Variants in LRRC4C observed in about 807,000 individuals in gnomAD.
LRRC4C encodes leucine rich repeat containing 4C.
In LRRC4C, 5 loss-of-function variants were observed where a neutral mutation model predicts 33.6. The observed-to-expected ratio is 0.15, with a 90% CI of 0.08 to 0.31. LRRC4C has a LOEUF of 0.31. Among genes scored for constraint, LRRC4C ranks in the 10% least tolerant of loss-of-function variants. The pLI, the probability that LRRC4C is intolerant of heterozygous loss-of-function variation, is 1.00. For missense variants in LRRC4C, 560 were observed against 796.7 expected, an observed-to-expected ratio of 0.70 and a Z score of 3.58; for synonymous variants, 329 against 302.0, an observed-to-expected ratio of 1.09 and a Z score of -0.93.
chr11:41,081,839 T>A (rs759357220), intron 1 of LRRC4C, among the ~76,000 whole-genome samples: 6 of 152,198 alleles, frequency 3.9e-5, no homozygotes, highest in Non-Finnish European at 8.8e-5. Context: ...TGTGTCATTA[T>A]AATTCAGCCA....
chr11:41,088,992 C>G (rs1333698034), intron 1 of LRRC4C, among the ~76,000 whole-genome samples: 1 of 152,062 alleles, frequency 6.6e-6, no homozygotes, highest in Admixed American at 6.6e-5. Flanking sequence ...CTTACCAAAA[C>G]AGTCTAACCC....
At chr11:40,161,147 C>T (rs1017065342) in intron 5 of LRRC4C, among the ~76,000 whole-genome samples, 17 of 152,282 alleles carry the variant, frequency 1.1e-4, no homozygotes, top group African/African-American at 3.6e-4. Context: ...AATGAAATCT[C>T]TTTACAATTA....
chr11:40,358,638 T>A (rs1361227466), intron 3 of LRRC4C, among the ~76,000 whole-genome samples: 1 of 152,130 alleles, frequency 6.6e-6, no homozygotes, highest in Non-Finnish European at 1.5e-5. Flanking sequence ...GTATTACTGA[T>A]CACTGCCATG....
chr11:40,297,874 C>G (rs142990594), intron 4 of LRRC4C, among the ~76,000 whole-genome samples: 252 of 152,234 alleles, frequency 1.7e-3, no homozygotes, highest in African/African-American at 5.8e-3. Flanking sequence ...GATTGTAACT[C>G]AGGTTATTTC....
At chr11:41,251,628 T>C (rs1251835061) in intron 1 of LRRC4C, among the ~76,000 whole-genome samples, 1 of 152,190 alleles carries the variant, frequency 6.6e-6, no homozygotes, top group Non-Finnish European at 1.5e-5. Flanking sequence ...CAATTAAGAA[T>C]TGTGAAACAG....
chr11:40,355,958 A>G (rs1486628090), intron 3 of LRRC4C, among the ~76,000 whole-genome samples: 7 of 102,584 alleles, frequency 6.8e-5, no homozygotes, highest in African/African-American at 2.2e-4. Flanking sequence ...AGTATTGTAT[A>G]GTATAGTATA....
chr11:41,104,866 C>T (rs1450292828), intron 1 of LRRC4C, among the ~76,000 whole-genome samples: 1 of 151,724 alleles, frequency 6.6e-6, no homozygotes, highest in African/African-American at 2.4e-5. Flanking sequence ...ATTTCATTTA[C>T]ACAAAATGTC....
In LRRC4C at chr11:40,114,870, T is replaced by G; in HGVS notation, c.1423A>C (p.Asn475His). The part of the protein sequence containing the change: ...SQDEARTTDN[N>H]VGPTPVVDWE... ...TCGACCACTGGAGTGGGACCCACAT[T>G]GTTATCTGTGGTCCGTGCCTCATCC... The change falls in exon 7 of 7, where the codon AAT becomes CAT. Residue 475 changes from asparagine to histidine, a missense_variant. Physicochemically the swap from Asn to His is moderately conservative, Grantham distance 68. Around this residue, in one of 3 missense-constraint regions of LRRC4C, gnomAD observed 455 missense variants for 643.8 expected, o/e 0.71. Coordinates refer to ENST00000528697, the MANE Select transcript of LRRC4C (RefSeq NM_001258419.2). 6.2e-7 allele frequency: 1 copy of G among 1,614,170 alleles called. No individual in the cohort carries two copies.
intron 2 of LRRC4C, among the ~76,000 whole-genome samples, chr11:40,883,214 G>T (rs995318695): frequency 3.3e-5 from 5 of 151,872 alleles, no homozygotes; most frequent in African/African-American, 1.2e-4. Flanking sequence ...CTTAAAAGAG[G>T]TTAACAAGAG....
At chr11:40,732,221 G>A (rs1947623244) in intron 2 of LRRC4C, among the ~76,000 whole-genome samples, 1 of 152,016 alleles carries the variant, frequency 6.6e-6, no homozygotes, top group Admixed American at 6.6e-5. Context: ...AAAAAAGTAT[G>A]GCCCTCACAT....
chr11:40,622,278 G>C (rs937587680), intron 3 of LRRC4C, among the ~76,000 whole-genome samples: 2 of 151,744 alleles, frequency 1.3e-5, no homozygotes, highest in Non-Finnish European at 2.9e-5. Flanking sequence ...CCTGACAATG[G>C]CTATATGTAA....
intron 1 of LRRC4C, among the ~76,000 whole-genome samples, chr11:41,090,210 GA>G (rs531948562): frequency 4.7e-4 from 72 of 152,186 alleles, no homozygotes; most frequent in Non-Finnish European, 6.5e-4. Flanking sequence ...TATATAGGGA[GA>G]GATATAAAGA....
At chr11:40,426,232 C>T (rs565590000) in intron 3 of LRRC4C, among the ~76,000 whole-genome samples, 9 of 152,138 alleles carry the variant, frequency 5.9e-5, no homozygotes, top group African/African-American at 2.2e-4. Flanking sequence ...CCAGGATTGT[C>T]TCGATCTCCT....
chr11:40,588,464 G>T (rs1475650385), intron 3 of LRRC4C, among the ~76,000 whole-genome samples: 7 of 151,360 alleles, frequency 4.6e-5, no homozygotes, highest in South Asian at 2.1e-4. Flanking sequence ...GGTTTTTTGT[G>T]TCTCTATTTC....
At chr11:40,498,858 T>C (rs1954603558) in intron 3 of LRRC4C, among the ~76,000 whole-genome samples, 1 of 152,184 alleles carries the variant, frequency 6.6e-6, no homozygotes, top group African/African-American at 2.4e-5. Flanking sequence ...TGGAATTTAC[T>C]GGAAAAATAG....
intron 1 of LRRC4C, among the ~76,000 whole-genome samples, chr11:41,383,556 A>G (rs1312259840): frequency 6.6e-6 from 1 of 152,074 alleles, no homozygotes; most frequent in East Asian, 1.9e-4. Context: ...TCATCATTGA[A>G]AAACAGAGTA....
intron 1 of LRRC4C, among the ~76,000 whole-genome samples, chr11:41,345,086 G>T (rs1477181353): frequency 6.6e-6 from 1 of 152,102 alleles, no homozygotes. Flanking sequence ...GAGGCCACTG[G>T]ACAATAGTTA....
chr11:41,183,195 T>C (rs1332325103), intron 1 of LRRC4C, among the ~76,000 whole-genome samples: 1 of 152,104 alleles, frequency 6.6e-6, no homozygotes, highest in African/African-American at 2.4e-5. Flanking sequence ...CCAAATCTCA[T>C]GTCTTCACAT....
intron 4 of LRRC4C, among the ~76,000 whole-genome samples, chr11:40,265,430 G>A (rs542259167): frequency 6.6e-6 from 1 of 152,060 alleles, no homozygotes; most frequent in Non-Finnish European, 1.5e-5. Flanking sequence ...TTTTAAAAAG[G>A]CTTCAATTTT....
Sources: gnomAD v4.1 joint callset for allele counts (sites outside exome capture counted in the v4.1 genomes callset) on GRCh38, gnomAD v4.1.1 for gene constraint, gnomAD v4.1.1 regional missense constraint, MANE v1.5 for transcripts, NCBI Gene and HGNC (gene_info 2026-07-23, HGNC 2026-07-21) for gene names.